The following PLCH1 variants were observed in gnomAD, a reference collection of about 807,000 sequenced individuals.
The protein encoded by PLCH1 is phospholipase C eta 1.
PLCH1 carries 60 observed loss-of-function variants against 126.7 expected under a neutral mutation model. The ratio of observed to expected loss-of-function variants is 0.47; its 90% CI spans 0.38 to 0.59. PLCH1 has a LOEUF of 0.59. Ranked by LOEUF, PLCH1 falls within the 20% of genes least tolerant of loss-of-function variation. The pLI is 0.00. For synonymous variants in PLCH1, 719 were observed against 734.9 expected, an observed-to-expected ratio of 0.98 and a Z score of 0.35; for missense variants, 1,723 against 2,040.0, an observed-to-expected ratio of 0.84 and a Z score of 2.99.
chr3:155,486,617 C>T lies in PLCH1; in HGVS notation c.2620-907G>A, dbSNP rs1280122542. Among the ~76,000 whole-genome samples, 5 of 150,900 alleles carry T rather than the reference C, an allele frequency of 3.3e-5. No individual in the cohort carries two copies. The East Asian group carries it at 7.8e-4, about 24-fold the overall frequency. On this transcript the variant is annotated intron_variant, in intron 21 of 22. Transcript: ENST00000460012. ...TCGGCTCACTGCAAGCTCCGCTTCC[C>T]GGGTTCACGCCATTCTCCTGCCTCA... is the stretch of plus-strand genomic sequence containing the variant.
chr3:155,730,427 G>A (rs1008384491), intron 1 of PLCH1, among the ~76,000 whole-genome samples: 2 of 151,920 alleles, frequency 1.3e-5, no homozygotes, highest in African/African-American at 4.8e-5. Context: ...GACTACAGGC[G>A]CCCGCACCAC....
downstream of PLCH1, among the ~76,000 whole-genome samples, chr3:155,479,512 C>T (rs1056423428): frequency 6.6e-6 from 1 of 152,042 alleles, no homozygotes. Context: ...ATTTCACTTG[C>T]CAAACATAAC....
At chr3:155,710,113 G>A (rs1333715711) in intron 1 of PLCH1, among the ~76,000 whole-genome samples, 2 of 151,966 alleles carry the variant, frequency 1.3e-5, no homozygotes, top group Non-Finnish European at 2.9e-5. Flanking sequence ...TCGGCCTCCC[G>A]ACTAGCAGGG....
chr3:155,464,219 G>A (rs1284660909), intron 21 of PLCH1, among the ~76,000 whole-genome samples: 1 of 152,190 alleles, frequency 6.6e-6, no homozygotes, highest in African/African-American at 2.4e-5. Flanking sequence ...CTTGAAGAAT[G>A]CATTGGGCAA....
intron 1 of PLCH1, among the ~76,000 whole-genome samples, chr3:155,734,651 T>C (rs1490541018): frequency 2.6e-5 from 4 of 151,908 alleles, no homozygotes; most frequent in East Asian, 3.9e-4. Context: ...CATCAGTAGA[T>C]GAAGGGATAA....
intron 2 of PLCH1, among the ~76,000 whole-genome samples, chr3:155,606,084 G>C (rs1734312844): frequency 6.6e-6 from 1 of 152,126 alleles, no homozygotes; most frequent in Non-Finnish European, 1.5e-5. Flanking sequence ...AGAATTAAAA[G>C]TCAGCTTAAT....
chr3:155,623,866 T>C (rs758526680), intron 2 of PLCH1, among the ~76,000 whole-genome samples: 2 of 151,946 alleles, frequency 1.3e-5, no homozygotes, highest in African/African-American at 2.4e-5. Context: ...TTCCAAACAA[T>C]AGAAAAAGAG....
intron 21 of PLCH1, among the ~76,000 whole-genome samples, chr3:155,458,198 G>A (rs1014673999): frequency 6.6e-6 from 1 of 151,472 alleles, no homozygotes; most frequent in Non-Finnish European, 1.5e-5. Context: ...AAAAATTAGT[G>A]GGGCGTAGTA....
chr3:155,680,313 G>A (rs972277625), intron 2 of PLCH1, among the ~76,000 whole-genome samples: 1 of 152,016 alleles, frequency 6.6e-6, no homozygotes, highest in Non-Finnish European at 1.5e-5. Context: ...AACCCGGGAG[G>A]CAGAGGTTGC....
At chr3:155,717,223 T>A (rs1377611004) in intron 1 of PLCH1, among the ~76,000 whole-genome samples, 1 of 152,258 alleles carries the variant, frequency 6.6e-6, no homozygotes, top group Non-Finnish European at 1.5e-5. Flanking sequence ...CCTCTGCAGC[T>A]GCTGTTACAG....
intron 6 of PLCH1, among the ~76,000 whole-genome samples, chr3:155,577,115 C>T (rs1326577564): frequency 6.6e-6 from 1 of 152,012 alleles, no homozygotes; most frequent in Non-Finnish European, 1.5e-5. Flanking sequence ...TAAAAATTAG[C>T]TGGGTGTGAT....
At chr3:155,738,159 A>G (rs1001069426) in intron 1 of PLCH1, among the ~76,000 whole-genome samples, 1 of 152,176 alleles carries the variant, frequency 6.6e-6, no homozygotes, top group Admixed American at 6.5e-5. Flanking sequence ...GAAAACAACT[A>G]AAGAGCAAAA....
Position 155,523,954 on chromosome 3 carries a change from A to G in PLCH1, c.1413T>C (p.Val471=), listed in dbSNP as rs774444506. The G allele has an allele frequency of 6.2e-7, 1 of 1,609,890 alleles. No individual in the cohort carries two copies. Among genetic ancestry groups the G allele is most frequent in the African/African-American group, 1.3e-5 (1 of 74,788 alleles). ...TTTCATCTGCACTGTCCTCATCAGA[A>G]ACTTCCCCTTCCTCTGCATCATCCC... is the stretch of plus-strand genomic sequence containing the variant. ...HLGDDAEEGE[V]SDEDSADEIE... Residue 471 remains valine (V), a synonymous_variant, in exon 11 of 23, where the codon GTT becomes GTC. Coordinates refer to ENST00000460012, the MANE Select transcript of PLCH1 (RefSeq NM_014996.4).
At chr3:155,574,905 C>T (rs779515089) in intron 6 of PLCH1, among the ~76,000 whole-genome samples, 5 of 151,886 alleles carry the variant, frequency 3.3e-5, no homozygotes, top group Admixed American at 6.6e-5. Flanking sequence ...CCAAGGTGGG[C>T]GGATCACTTG....
rs554845917 is a variant in PLCH1, at chr3:155,599,051, G to A, written c.80-2673C>T. On this transcript the variant is annotated intron_variant, in intron 2 of 22. Transcript: ENST00000460012. ...CATATGAAGATACAGCAAGAAGGTA[G>A]CCATCTACCTTTTTCAAGCCAGGAA... is the stretch of plus-strand genomic sequence containing the variant. Among the ~76,000 whole-genome samples, 81 of 127,128 alleles carry A rather than the reference G, an allele frequency of 6.4e-4. 1 individual carries two copies. The highest frequency in any genetic ancestry group is 2.2e-3 in the African/African-American group (72 of 32,168). 83.4% of individuals were successfully genotyped at this position (127,128 alleles called of 152,430 possible).
chr3:155,572,899 TA>T (rs1289628387), intron 6 of PLCH1, among the ~76,000 whole-genome samples: 3 of 151,980 alleles, frequency 2.0e-5, no homozygotes, highest in African/African-American at 2.4e-5. Context: ...CTGATTTTTT[TA>T]TTTTTATTTT....
intron 2 of PLCH1, among the ~76,000 whole-genome samples, chr3:155,601,066 C>A (rs775592427): frequency 6.6e-6 from 1 of 152,134 alleles, no homozygotes; most frequent in Non-Finnish European, 1.5e-5. Context: ...GCTCCGCCTC[C>A]CGGGTTCACG....
At chr3:155,731,986 C>CA (rs11449385) in intron 1 of PLCH1, among the ~76,000 whole-genome samples, 27,764 of 67,996 alleles carry the variant, frequency 0.41, 5,406 homozygotes, top group East Asian at 0.52. Flanking sequence ...GACCCTGTCT[C>CA]AAAAAAAAAA....
rs573060478 is a variant in PLCH1 at position 155,693,074 on chromosome 3, T to C, written c.79+11072A>G. 4.6e-5 allele frequency among the ~76,000 whole-genome samples: 7 copies of C among 151,950 alleles called. 1 individual carries two copies. In the South Asian group the frequency reaches 1.5e-3, roughly 32 times the overall value. ...TGGGATTACAGGCGTGCGCCCGGCC[T>C]AATCATCAGCATTTTTTAAAAAGCA... On this transcript the variant is annotated intron_variant, in intron 2 of 22. Transcript: ENST00000460012.
Sources: gnomAD v4.1 joint callset for allele counts (sites outside exome capture counted in the v4.1 genomes callset) on GRCh38, gnomAD v4.1.1 for gene constraint, MANE v1.5 for transcripts, NCBI Gene and HGNC (gene_info 2026-07-23, HGNC 2026-07-21) for gene names.